Variants in SLC9A9 observed in about 807,000 individuals in gnomAD.
SLC9A9 encodes the protein solute carrier family 9 member A9, also known as sodium/hydrogen exchanger 9.
SLC9A9 carries 62 observed loss-of-function variants against 77.8 expected under a neutral mutation model. The observed-to-expected ratio is 0.80, with a 90% CI of 0.65 to 0.98. The LOEUF (loss-of-function observed/expected upper bound fraction) is 0.98, where lower values mean the gene tolerates loss of function less well. Ranked by LOEUF, SLC9A9 falls within the 50% of genes least tolerant of loss-of-function variation. The pLI is 0.00. For synonymous variants in SLC9A9, 320 were observed against 283.5 expected, an observed-to-expected ratio of 1.13 and a Z score of -1.29; for missense variants, 775 against 774.9, an observed-to-expected ratio of 1.00 and a Z score of 0.00.
chr3:143,359,614 A>G (rs1320039789), intron 14 of SLC9A9, among the ~76,000 whole-genome samples: 1 of 152,136 alleles, frequency 6.6e-6, no homozygotes, highest in Non-Finnish European at 1.5e-5. Flanking sequence ...AAAGAGTAGG[A>G]TAGGAGGGGC....
chr3:143,640,098 T>C (rs765741029), intron 6 of SLC9A9, among the ~76,000 whole-genome samples: 2 of 149,546 alleles, frequency 1.3e-5, no homozygotes, highest in African/African-American at 4.9e-5. Context: ...CTTGGCTCAC[T>C]GCAAGCTCCA....
At chr3:143,306,143 A>C (rs2030771198) in intron 14 of SLC9A9, among the ~76,000 whole-genome samples, 1 of 152,194 alleles carries the variant, frequency 6.6e-6, no homozygotes, top group African/African-American at 2.4e-5. Flanking sequence ...TTCTTCCTGG[A>C]CTGGTACAAT....
intron 6 of SLC9A9, among the ~76,000 whole-genome samples, chr3:143,650,182 A>C (rs538878934): frequency 2.6e-5 from 4 of 152,288 alleles, no homozygotes; most frequent in Non-Finnish European, 4.4e-5. Context: ...GGTGCTATAC[A>C]TGGTTTAGTG....
At chr3:143,327,351 G>T (rs6768217) in intron 14 of SLC9A9, among the ~76,000 whole-genome samples, 37,657 of 151,952 alleles carry the variant, frequency 0.25, 4,959 homozygotes, top group Admixed American at 0.32. Context: ...CTTAAATATG[G>T]GGAAGAAGAA....
chr3:143,682,336 C>G (rs192100560), intron 5 of SLC9A9, among the ~76,000 whole-genome samples: 1 of 152,252 alleles, frequency 6.6e-6, no homozygotes, highest in Non-Finnish European at 1.5e-5. Flanking sequence ...CCTTAGTTTG[C>G]TCTTTTATAA....
At chr3:143,315,674 A>G (rs958476866) in intron 14 of SLC9A9, among the ~76,000 whole-genome samples, 2 of 152,236 alleles carry the variant, frequency 1.3e-5, no homozygotes, top group Admixed American at 1.3e-4. Flanking sequence ...TTCTTTGGTC[A>G]AAGAGATTGA....
chr3:143,388,225 T>C (rs550712172), intron 12 of SLC9A9, among the ~76,000 whole-genome samples: 1 of 152,320 alleles, frequency 6.6e-6, no homozygotes, highest in Non-Finnish European at 1.5e-5. Context: ...CTGAACCCTG[T>C]ATTATTTGAC....
chr3:143,700,657 C>A (rs904180711), intron 4 of SLC9A9, among the ~76,000 whole-genome samples: 1 of 152,216 alleles, frequency 6.6e-6, no homozygotes, highest in Admixed American at 6.5e-5. Flanking sequence ...TAAAACAGAA[C>A]ATCAGGTAGA....
intron 12 of SLC9A9, among the ~76,000 whole-genome samples, chr3:143,432,201 T>C (rs1313702916): frequency 6.6e-6 from 1 of 152,182 alleles, no homozygotes; most frequent in African/African-American, 2.4e-5. Context: ...CTCAGAACAG[T>C]GCTTGGCACA....
At chr3:143,647,812 T>C (rs1262337521) in intron 6 of SLC9A9, among the ~76,000 whole-genome samples, 1 of 152,192 alleles carries the variant, frequency 6.6e-6, no homozygotes, top group African/African-American at 2.4e-5. Context: ...CCTTTATAAC[T>C]TTAAGTAACA....
At chr3:143,439,835 T>C (rs1339165919) in intron 12 of SLC9A9, among the ~76,000 whole-genome samples, 1 of 130,334 alleles carries the variant, frequency 7.7e-6, no homozygotes, top group African/African-American at 2.5e-5. Context: ...GTGGAATGTG[T>C]GGCCATGAGG....
intron 14 of SLC9A9, among the ~76,000 whole-genome samples, chr3:143,317,770 C>G (rs898122692): frequency 6.6e-6 from 1 of 152,124 alleles, no homozygotes; most frequent in East Asian, 1.9e-4. Context: ...CTCTGTCACC[C>G]AGGCTGGAGT....
chr3:143,793,134 A>G (rs994840645), intron 4 of SLC9A9, among the ~76,000 whole-genome samples: 8 of 152,180 alleles, frequency 5.3e-5, no homozygotes, highest in Non-Finnish European at 1.2e-4. Context: ...AAGTTGTTGG[A>G]CAACCAACAA....
intron 4 of SLC9A9, among the ~76,000 whole-genome samples, chr3:143,706,614 G>A (rs918988001): frequency 3.9e-5 from 6 of 152,014 alleles, no homozygotes; most frequent in African/African-American, 7.2e-5. Flanking sequence ...ATCCTGTATC[G>A]GATATCTTGA....
intron 12 of SLC9A9, among the ~76,000 whole-genome samples, chr3:143,463,592 A>C (rs1188081309): frequency 6.6e-6 from 1 of 152,170 alleles, no homozygotes; most frequent in African/African-American, 2.4e-5. Flanking sequence ...TGTATTCCAC[A>C]GAAGGGAGGA....
chr3:143,361,875 T>C (rs2032765006), intron 14 of SLC9A9, among the ~76,000 whole-genome samples: 1 of 152,230 alleles, frequency 6.6e-6, no homozygotes, highest in Non-Finnish European at 1.5e-5. Flanking sequence ...TTATTCCTTT[T>C]CTTCATTGTA....
At chr3:143,786,637 A>G (rs1236054977) in intron 4 of SLC9A9, among the ~76,000 whole-genome samples, 3 of 152,346 alleles carry the variant, frequency 2.0e-5, no homozygotes, top group African/African-American at 7.2e-5. Flanking sequence ...TGTGATATGC[A>G]TATGAGAAAC....
chr3:143,695,534 A>G (rs1365905229), intron 4 of SLC9A9, among the ~76,000 whole-genome samples: 1 of 152,138 alleles, frequency 6.6e-6, no homozygotes, highest in Non-Finnish European at 1.5e-5. Context: ...TCATGGCTGC[A>G]TAGTATTCCA....
At chr3:143,642,580 C>T (rs2038641224) in intron 6 of SLC9A9, among the ~76,000 whole-genome samples, 1 of 152,188 alleles carries the variant, frequency 6.6e-6, no homozygotes. Flanking sequence ...TAATGTGATG[C>T]TTCAATTTAT....
Sources: gnomAD v4.1 joint callset for allele counts (sites outside exome capture counted in the v4.1 genomes callset) on GRCh38, gnomAD v4.1.1 for gene constraint, MANE v1.5 for transcripts, NCBI Gene and HGNC (gene_info 2026-07-23, HGNC 2026-07-21) for gene names.